ACOT6: variants seen among roughly 807,000 people sequenced by gnomAD.
ACOT6 encodes the protein acyl-coenzyme A thioesterase 6.
A neutral mutation model predicts 12.3 loss-of-function variants in ACOT6; 14 were observed. The ratio of observed to expected loss-of-function variants is 1.14; its 90% CI spans 0.75 to 1.78. ACOT6 has a LOEUF of 1.78. Among genes scored for constraint, ACOT6 ranks in the 40% most tolerant of loss-of-function variants. The pLI, the probability that ACOT6 is intolerant of heterozygous loss-of-function variation, is 0.00. For synonymous variants in ACOT6, 218 were observed against 231.3 expected (o/e 0.94, Z 0.52); for missense variants, 523 against 551.8 (o/e 0.95, Z 0.52).
At position 73,619,393 on chromosome 14, in the gene ACOT6, A is replaced by G; in HGVS notation, c.820A>G (p.Lys274Glu). The change falls in exon 3 of 3, where the codon AAA (lysine) becomes GAA (glutamate). Residue 274 changes from lysine to glutamate, a missense_variant. By Grantham distance (56) the Lys-to-Glu change is moderately conservative. Around this residue, in one of 2 missense-constraint regions of ACOT6, gnomAD observed 219 missense variants for 277.0 expected, o/e 0.79. Coordinates refer to ENST00000645972, the MANE Select transcript of ACOT6 (RefSeq NM_001365788.1). ...ACATTACAAGGATATGATTATTCCT[A>G]AACTTGTCGATGATCTAGGAAAAGT... ...PLHYKDMIIP[K>E]LVDDLGKVKI... The G allele has an allele frequency of 6.2e-7, 1 of 1,614,198 alleles. No individual in the cohort carries two copies. The highest frequency in any genetic ancestry group is 8.5e-7 in the Non-Finnish European group (1 of 1,180,038).
rs1434108699 is a variant in ACOT6, at chr14:73,615,400, AAAAAAAACAAAAAAC to A, written c.462-1586_462-1572del. ...AGACTCTGTCTGATAAAAAAAAAAA[AAAAAAAACAAAAAAC>A]AAAAAAAACCAGCAACAACGAAAAA... On this transcript the variant is annotated intron_variant, in intron 1 of 2. Coordinates refer to ENST00000645972, the MANE Select transcript of ACOT6 (RefSeq NM_001365788.1). 4.2e-5 allele frequency among the ~76,000 whole-genome samples: 6 copies of A among 143,666 alleles called. 1 individual carries two copies. The highest frequency in any genetic ancestry group is 7.8e-5 in the African/African-American group (3 of 38,492). The allele number at this position is 143,666 out of a possible 152,430, so 94.3% of individuals were successfully genotyped here.
Position 73,619,235 on chromosome 14 carries a change from T to A in ACOT6, c.662T>A (p.Val221Glu), listed in dbSNP as rs199762917. 4.4e-5 allele frequency: 68 copies of A among 1,553,654 alleles called. 1 individual carries two copies. In the Middle Eastern group the frequency reaches 2.1e-3, roughly 48 times the overall value. ...AVDFMLQHPK[V>E]KGPSIALLGF... ...TTTCCTTCTCTTTTTCCTCAACAGGTGAAAGGTCCTAGTATTGCGCTTCTT... is the reference window on the plus strand; with the variant it reads ...TTTCCTTCTCTTTTTCCTCAACAGGAGAAAGGTCCTAGTATTGCGCTTCTT... Residue 221 changes from valine to glutamate, a missense_variant and splice_region_variant, in exon 3 of 3, where the codon GTG (valine) becomes GAG (glutamate). This residue lies in a region of ACOT6 where 219 missense variants were observed against 277.0 expected (regional missense o/e 0.79). Coordinates refer to ENST00000645972, the MANE Select transcript of ACOT6 (RefSeq NM_001365788.1).
upstream of ACOT6, among the ~76,000 whole-genome samples, chr14:73,611,792 G>C (rs372413994): frequency 6.6e-5 from 10 of 152,158 alleles, no homozygotes; most frequent in African/African-American, 2.4e-4. Context: ...ACTCGGCTAG[G>C]TCTGCCTCCC....
chr14:73,612,963 G>C lies in ACOT6; in HGVS notation c.392G>C (p.Arg131Pro), dbSNP rs1890473968. ...CLAQNKRDFLRPGVRREPVRA... is the reference protein window; with the variant it reads ...CLAQNKRDFLPPGVRREPVRA... Reference sequence around the variant, plus strand: ...GCGCAGAACAAGCGCGACTTTCTCCGGCCGGGGGTGCGGCGCGAGCCGGTG... The same window carrying C: ...GCGCAGAACAAGCGCGACTTTCTCCCGCCGGGGGTGCGGCGCGAGCCGGTG... The change falls in exon 1 of 3, where the codon CGG (arginine) becomes CCG (proline). Residue 131 changes from arginine (R) to proline (P), a missense_variant. Physicochemically the swap from Arg to Pro is moderately radical, Grantham distance 103. Coordinates refer to ENST00000645972, the MANE Select transcript of ACOT6 (RefSeq NM_001365788.1). 8.2e-7 allele frequency: 1 copy of C among 1,214,290 alleles called. No homozygotes were observed. The highest frequency in any genetic ancestry group is 1.1e-6 in the Non-Finnish European group (1 of 916,774). The allele number at this position is 1,214,290 out of a possible 1,614,324, so 75.2% of individuals were successfully genotyped here. A position where few individuals can be genotyped will look rare whatever the true frequency, so the allele number is the denominator to read the frequency against.
intron 1 of ACOT6, 51 bp from the exon 2 acceptor site, chr14:73,616,943 T>C (rs1301409532): frequency 3.3e-6 from 2 of 603,644 alleles, no homozygotes; most frequent in Non-Finnish European, 5.9e-6. Flanking sequence ...GTTTGCTTAC[T>C]GTCTTTTGAG....
chr14:73,612,800 C>G lies in ACOT6; in HGVS notation c.229C>G (p.Pro77Ala). 7.2e-7 allele frequency: 1 copy of G among 1,396,490 alleles called. No individual in the cohort carries two copies. Among genetic ancestry groups the G allele is most frequent in the Non-Finnish European group, 9.3e-7 (1 of 1,071,908 alleles). The allele number at this position is 1,396,490 out of a possible 1,614,324, so 86.5% of individuals were successfully genotyped here. ...GGGAGGCAGCTTCGCGGGGCTCCAG[C>G]CCATGGGGCTGCTGTGGGCGTTGGA... is the stretch of plus-strand genomic sequence containing the variant. The part of the protein sequence containing the change: ...ALGGSFAGLQ[P>A]MGLLWALEPE... The change falls in exon 1 of 3, where the codon CCC (proline) becomes GCC (alanine). Residue 77 changes from proline (P) to alanine (A), a missense_variant. Around this residue, in one of 2 missense-constraint regions of ACOT6, gnomAD observed 304 missense variants for 274.8 expected, o/e 1.11. Coordinates refer to ENST00000645972, the MANE Select transcript of ACOT6 (RefSeq NM_001365788.1).
Position 73,612,851 on chromosome 14 carries a change from G to A in ACOT6, c.280G>A (p.Val94Met), listed in dbSNP as rs1048454814. 4.3e-5 allele frequency: 61 copies of A among 1,418,598 alleles called. No homozygotes were observed. Among genetic ancestry groups the A allele is most frequent in the Non-Finnish European group, 5.5e-5 (59 of 1,063,894 alleles). 87.9% of individuals were successfully genotyped at this position (1,418,598 alleles called of 1,614,324 possible). Residue 94 changes from valine to methionine, a missense_variant, in exon 1 of 3, where the codon GTG (valine) becomes ATG (methionine). This residue lies in a region of ACOT6 where 304 missense variants were observed against 274.8 expected (regional missense o/e 1.11). Coordinates refer to ENST00000645972, the MANE Select transcript of ACOT6 (RefSeq NM_001365788.1). ...GCCCGAGAAAGCCTTGGTGCGGCTG[G>A]TGAAGCGCGACGTGCGGACGCCCTT... ...LEPEKALVRL[V>M]KRDVRTPFAV... is the part of the protein sequence containing the mutation.
upstream of ACOT6, among the ~76,000 whole-genome samples, chr14:73,611,815 T>A (rs1271376593): frequency 6.6e-6 from 1 of 152,102 alleles, no homozygotes; most frequent in Non-Finnish European, 1.5e-5. Flanking sequence ...AACATCTGCT[T>A]TGCTCCAGGT....
intron 2 of ACOT6, among the ~76,000 whole-genome samples, chr14:73,617,667 A>AG (rs1890562106): frequency 6.6e-6 from 1 of 152,140 alleles, no homozygotes; most frequent in Non-Finnish European, 1.5e-5. Flanking sequence ...CTCCTTAATA[A>AG]GATTAATGTA....
Position 73,612,920 on chromosome 14 carries a change from G to C in ACOT6, c.349G>C (p.Gly117Arg). 7.4e-7 allele frequency: 1 copy of C among 1,352,924 alleles called. No homozygotes were observed. Among genetic ancestry groups the C allele is most frequent in the Non-Finnish European group, 9.9e-7 (1 of 1,013,326 alleles). The allele number at this position is 1,352,924 out of a possible 1,614,324, so 83.8% of individuals were successfully genotyped here. A position where few individuals can be genotyped will look rare whatever the true frequency, so the allele number is the denominator to read the frequency against. Residue 117 changes from glycine (G) to arginine (R), a missense_variant, in exon 1 of 3, where the codon GGG (glycine) becomes CGG (arginine). By Grantham distance (125) the Gly-to-Arg change is moderately radical. Coordinates refer to ENST00000645972, the MANE Select transcript of ACOT6 (RefSeq NM_001365788.1). ...EVLDGHDTEP[G>R]RLLCLAQNKR... ...GCTGGACGGCCACGACACCGAGCCC[G>C]GGCGGCTGCTGTGCCTGGCGCAGAA... is the stretch of plus-strand genomic sequence containing the variant.
In ACOT6 at chr14:73,617,190, A is replaced by G. The variant is rs759899042; in HGVS notation, c.658A>G (p.Lys220Glu). Residue 220 changes from lysine (K) to glutamate (E), a missense_variant and splice_region_variant, in exon 2 of 3, where the codon AAG becomes GAG. By Grantham distance (56) the Lys-to-Glu change is moderately conservative. Around this residue, in one of 2 missense-constraint regions of ACOT6, gnomAD observed 219 missense variants for 277.0 expected, o/e 0.79. Transcript: ENST00000645972. ...EAVDFMLQHP[K>E]VKGPSIALLG... is the part of the protein sequence containing the mutation. ...CGTGGACTTTATGCTGCAGCATCCA[A>G]AGGTGCGTTCTGGTGATCACCTGAG... is the stretch of plus-strand genomic sequence containing the variant. The G allele has an allele frequency of 6.2e-7, 1 of 1,614,164 alleles. No individual in the cohort carries two copies. Among genetic ancestry groups the G allele is most frequent in the East Asian group, 2.2e-5 (1 of 44,876 alleles).
intron 2 of ACOT6, among the ~76,000 whole-genome samples, chr14:73,618,700 C>T (rs927715745): frequency 1.4e-4 from 21 of 152,212 alleles, no homozygotes; most frequent in Non-Finnish European, 2.8e-4. Flanking sequence ...GTGTCTGGGC[C>T]TCTGTGTATA....
chr14:73,619,809 T>C lies in ACOT6; in HGVS notation c.1236T>C (p.Gly412=), dbSNP rs1595188217. 1 of 1,607,476 alleles carries C rather than the reference T, an allele frequency of 6.2e-7. No homozygotes were observed. ...CTTTCTTCCATAAACATCTCAATGG[T>C]AAAAAATCTGTCAAGCACAGCAAAA... is the stretch of plus-strand genomic sequence containing the variant. ...IQTFFHKHLN[G]KKSVKHSKI Residue 412 remains glycine, a synonymous_variant, in exon 3 of 3, where the codon GGT becomes GGC. Coordinates refer to ENST00000645972, the MANE Select transcript of ACOT6 (RefSeq NM_001365788.1).
intron 1 of ACOT6, among the ~76,000 whole-genome samples, chr14:73,615,843 A>G (rs996846690): frequency 6.6e-6 from 1 of 152,066 alleles, no homozygotes; most frequent in Non-Finnish European, 1.5e-5. Flanking sequence ...CAGTGGGAGG[A>G]TTGCTTGAGG....
intron 1 of ACOT6, among the ~76,000 whole-genome samples, chr14:73,614,622 A>G (rs188190426): frequency 1.3e-5 from 2 of 151,360 alleles, no homozygotes; most frequent in Non-Finnish European, 3.0e-5. Context: ...TGGCTCACAC[A>G]TGTAGTCCCA....
At position 73,612,922 on chromosome 14, in the gene ACOT6, G is replaced by A; in HGVS notation, c.351G>A (p.Gly117=). The change falls in exon 1 of 3, where the codon GGG becomes GGA. Residue 117 remains glycine, a synonymous_variant. Transcript: ENST00000645972. ...TGGACGGCCACGACACCGAGCCCGG[G>A]CGGCTGCTGTGCCTGGCGCAGAACA... ...EVLDGHDTEP[G]RLLCLAQNKR... 2.2e-6 allele frequency: 3 copies of A among 1,352,970 alleles called. No homozygotes were observed. The South Asian group carries it at 4.1e-5, about 19-fold the overall frequency. The allele number at this position is 1,352,970 out of a possible 1,614,324, so 83.8% of individuals were successfully genotyped here. A position where few individuals can be genotyped will look rare whatever the true frequency, so the allele number is the denominator to read the frequency against.
At chr14:73,618,278 G>A (rs1279406238) in intron 2 of ACOT6, among the ~76,000 whole-genome samples, 1 of 152,168 alleles carries the variant, frequency 6.6e-6, no homozygotes, top group African/African-American at 2.4e-5. Context: ...GTTCTGCAGG[G>A]TTCTCTCCCC....
chr14:73,612,921 G>A lies in ACOT6; in HGVS notation c.350G>A (p.Gly117Glu). The stretch of plus-strand genomic sequence containing the variant: ...CTGGACGGCCACGACACCGAGCCCG[G>A]GCGGCTGCTGTGCCTGGCGCAGAAC... ...EVLDGHDTEP[G>E]RLLCLAQNKR... Residue 117 changes from glycine to glutamate, a missense_variant, in exon 1 of 3, where the codon GGG becomes GAG. Around this residue, in one of 2 missense-constraint regions of ACOT6, gnomAD observed 304 missense variants for 274.8 expected, o/e 1.11. Transcript: ENST00000645972. The A allele has an allele frequency of 1.5e-6, 2 of 1,352,802 alleles. No homozygotes were observed. The highest frequency in any genetic ancestry group is 2.0e-6 in the Non-Finnish European group (2 of 1,013,324). 83.8% of individuals were successfully genotyped at this position (1,352,802 alleles called of 1,614,324 possible).
chr14:73,617,080 T>G lies in ACOT6; in HGVS notation c.548T>G (p.Phe183Cys). 1 of 1,498,658 alleles carries G rather than the reference T, an allele frequency of 6.7e-7. No homozygotes were observed. The highest frequency in any genetic ancestry group is 1.1e-5 in the South Asian group (1 of 88,532). 92.8% of individuals were successfully genotyped at this position (1,498,658 alleles called of 1,614,324 possible). A position where few individuals can be genotyped will look rare whatever the true frequency, so the allele number is the denominator to read the frequency against. Residue 183 changes from phenylalanine to cysteine, a missense_variant, in exon 2 of 3, where the codon TTT (phenylalanine) becomes TGT (cysteine). By Grantham distance (205) the Phe-to-Cys change is radical. Around this residue, in one of 2 missense-constraint regions of ACOT6, gnomAD observed 304 missense variants for 274.8 expected, o/e 1.11. Coordinates refer to ENST00000645972, the MANE Select transcript of ACOT6 (RefSeq NM_001365788.1). ...GCCAGCCTCCTGGCCGGACATGGTT[T>G]TGCTGTGCTTGCCCTGGCTTATTTC... ...YRASLLAGHGFAVLALAYFRF... is the reference protein window; with the variant it reads ...YRASLLAGHGCAVLALAYFRF...
Sources: allele counts gnomAD v4.1 joint callset (sites outside exome capture counted in the v4.1 genomes callset), GRCh38; gene constraint gnomAD v4.1.1; regional missense constraint gnomAD v4.1.1; transcripts MANE v1.5; gene names NCBI Gene and HGNC (gene_info 2026-07-23, HGNC 2026-07-21).